The following SMIM10L1 variants were observed in gnomAD, a reference collection of about 807,000 sequenced individuals.
SMIM10L1 encodes small integral membrane protein 10 like 1.
In SMIM10L1, 6 loss-of-function variants were observed where a neutral mutation model predicts 4.5. The observed-to-expected ratio is 1.33, with a 90% CI of 0.73 to 2.62. The LOEUF (loss-of-function observed/expected upper bound fraction) is 2.62. Among genes scored for constraint, SMIM10L1 ranks in the 30% most tolerant of loss-of-function variants. SMIM10L1 has a pLI of 0.00. For missense variants in SMIM10L1, 66 were observed against 86.2 expected (o/e 0.77, Z 0.93); for synonymous variants, 49 against 42.2 (o/e 1.16, Z -0.63).
rs563751385 is a variant in SMIM10L1 at position 11,175,405 on chromosome 12, A to G, written c.*3842A>G. ...TAATGGGAGATCTTTCTGGCAGGACATCAATAGCTTTTGATAGCGTCAAGA... is the reference window on the plus strand; with the variant it reads ...TAATGGGAGATCTTTCTGGCAGGACGTCAATAGCTTTTGATAGCGTCAAGA... On this transcript the variant is annotated 3_prime_UTR_variant, in exon 1 of 1. Coordinates refer to ENST00000622602, the MANE Select transcript of SMIM10L1 (RefSeq NM_001271592.2). 6.6e-6 allele frequency: 1 copy of G among 152,198 alleles called. No homozygotes were observed. The highest frequency in any genetic ancestry group is 1.5e-5 in the Non-Finnish European group (1 of 68,020). 9.4% of individuals were successfully genotyped at this position (152,198 alleles called of 1,614,324 possible). A position where few individuals can be genotyped will look rare whatever the true frequency, so the allele number is the denominator to read the frequency against.
Position 11,171,247 on chromosome 12 carries a change from C to A in SMIM10L1, c.-110C>A. 1 of 690,786 alleles carries A rather than the reference C, an allele frequency of 1.4e-6. No individual in the cohort carries two copies. Among genetic ancestry groups the A allele is most frequent in the Non-Finnish European group, 2.0e-6 (1 of 493,968 alleles). The allele number at this position is 690,786 out of a possible 1,614,324, so 42.8% of individuals were successfully genotyped here. ...GGCAGCGGCAAGCTTGGGTGTGAGC[C>A]CGGGAGCCGCTTTGCTTACCGTCCT... On this transcript the variant is annotated 5_prime_UTR_variant, in exon 1 of 1. Coordinates refer to ENST00000622602, the MANE Select transcript of SMIM10L1 (RefSeq NM_001271592.2).
chr12:11,172,665 G>A lies in SMIM10L1; in HGVS notation c.*1102G>A, dbSNP rs553200060. On this transcript the variant is annotated 3_prime_UTR_variant, in exon 1 of 1. Coordinates refer to ENST00000622602, the MANE Select transcript of SMIM10L1 (RefSeq NM_001271592.2). ...GGTGTATTTGAATACAGCCTAGAGAGCTTTCATTTTCCAAAGAGTGTGGGG... is the reference window on the plus strand; with the variant it reads ...GGTGTATTTGAATACAGCCTAGAGAACTTTCATTTTCCAAAGAGTGTGGGG... The A allele has an allele frequency of 4.6e-5, 7 of 152,282 alleles. No individual in the cohort carries two copies. Among genetic ancestry groups the A allele is most frequent in the African/African-American group, 1.7e-4 (7 of 41,552 alleles). 9.4% of individuals were successfully genotyped at this position (152,282 alleles called of 1,614,324 possible). A position where few individuals can be genotyped will look rare whatever the true frequency, so the allele number is the denominator to read the frequency against.
At position 11,173,931 on chromosome 12, in the gene SMIM10L1, T is replaced by C. The variant is rs1947909732; in HGVS notation, c.*2368T>C. 6.6e-6 allele frequency: 1 copy of C among 151,356 alleles called. No homozygotes were observed. The highest frequency in any genetic ancestry group is 6.6e-5 in the Admixed American group (1 of 15,140). The allele number at this position is 151,356 out of a possible 1,614,324, so 9.4% of individuals were successfully genotyped here. On this transcript the variant is annotated 3_prime_UTR_variant, in exon 1 of 1. Transcript: ENST00000622602. Reference sequence around the variant, plus strand: ...AATTTAAGTAGTAACTATATATGTATATATGTATAGTTACTACTTACTATA... The same window carrying C: ...AATTTAAGTAGTAACTATATATGTACATATGTATAGTTACTACTTACTATA...
At position 11,172,975 on chromosome 12, in the gene SMIM10L1, C is replaced by T. The variant is rs1377249272; in HGVS notation, c.*1412C>T. 2.0e-5 allele frequency: 3 copies of T among 151,880 alleles called. No homozygotes were observed. The highest frequency in any genetic ancestry group is 7.3e-5 in the African/African-American group (3 of 41,346). 9.4% of individuals were successfully genotyped at this position (151,880 alleles called of 1,614,324 possible). On this transcript the variant is annotated 3_prime_UTR_variant, in exon 1 of 1. Coordinates refer to ENST00000622602, the MANE Select transcript of SMIM10L1 (RefSeq NM_001271592.2). ...AGAAAAATGCAGAAAAAGGAGTATACACATGTTTTCTTCGGATTAAAAAAA... is the reference window on the plus strand; with the variant it reads ...AGAAAAATGCAGAAAAAGGAGTATATACATGTTTTCTTCGGATTAAAAAAA...
rs1947918871 is a variant in SMIM10L1, at chr12:11,174,478, C to T, written c.*2915C>T. On this transcript the variant is annotated 3_prime_UTR_variant, in exon 1 of 1. Coordinates refer to ENST00000622602, the MANE Select transcript of SMIM10L1 (RefSeq NM_001271592.2). ...TTATTGCCCATAAATTGGGCTTTTT[C>T]AGGCCATCATGCACGTTGATTGATC... The T allele has an allele frequency of 6.6e-6, 1 of 151,708 alleles. No homozygotes were observed. The highest frequency in any genetic ancestry group is 2.1e-4 in the South Asian group (1 of 4,806). 9.4% of individuals were successfully genotyped at this position (151,708 alleles called of 1,614,324 possible).
chr12:11,174,397 A>G lies in SMIM10L1; in HGVS notation c.*2834A>G, dbSNP rs575657873. 6.6e-6 allele frequency: 1 copy of G among 152,296 alleles called. No individual in the cohort carries two copies. The highest frequency in any genetic ancestry group is 2.1e-4 in the South Asian group (1 of 4,826). 9.4% of individuals were successfully genotyped at this position (152,296 alleles called of 1,614,324 possible). On this transcript the variant is annotated 3_prime_UTR_variant, in exon 1 of 1. Transcript: ENST00000622602. ...GCAATTTTGTTGGTATGCTCTACAT[A>G]GTCAGCAGTCAATAAAGGAAACATA...
rs906822349 is a variant in SMIM10L1 at position 11,172,493 on chromosome 12, C to T, written c.*930C>T. The T allele has an allele frequency of 2.0e-5, 3 of 151,992 alleles. No individual in the cohort carries two copies. Among genetic ancestry groups the T allele is most frequent in the Admixed American group, 6.6e-5 (1 of 15,260 alleles). 9.4% of individuals were successfully genotyped at this position (151,992 alleles called of 1,614,324 possible). A position where few individuals can be genotyped will look rare whatever the true frequency, so the allele number is the denominator to read the frequency against. On this transcript the variant is annotated 3_prime_UTR_variant, in exon 1 of 1. Coordinates refer to ENST00000622602, the MANE Select transcript of SMIM10L1 (RefSeq NM_001271592.2). ...TGAGTGGGGAAAGACATTTTTATTA[C>T]TTACAGGGTAGCCATAAAGTTTCTA...
rs1291385135 is a variant in SMIM10L1, at chr12:11,175,971, C to G, written c.*4408C>G. ...TGTGAATGCCTGGATCTTGGACTTC[C>G]CAGCTTCTAGAACTATAAGAAATAA... On this transcript the variant is annotated 3_prime_UTR_variant, in exon 1 of 1. Transcript: ENST00000622602. 6.6e-6 allele frequency: 1 copy of G among 152,132 alleles called. No homozygotes were observed. Among genetic ancestry groups the G allele is most frequent in the Non-Finnish European group, 1.5e-5 (1 of 68,034 alleles). 9.4% of individuals were successfully genotyped at this position (152,132 alleles called of 1,614,324 possible). A position where few individuals can be genotyped will look rare whatever the true frequency, so the allele number is the denominator to read the frequency against.
Position 11,171,373 on chromosome 12 carries a change from C to G in SMIM10L1, c.17C>G (p.Ala6Gly). The part of the protein sequence containing the change: MAPAA[A>G]PSSLAVRASS... ...ACCTGGCTCATGGCCCCCGCGGCGGCTCCGTCCTCCTTGGCCGTCAGGGCC... is the reference window on the plus strand; with the variant it reads ...ACCTGGCTCATGGCCCCCGCGGCGGGTCCGTCCTCCTTGGCCGTCAGGGCC... The change falls in exon 1 of 1, where the codon GCT (alanine) becomes GGT (glycine). Residue 6 changes from alanine to glycine, a missense_variant. Ala to Gly is a moderately conservative substitution (Grantham distance 60). Transcript: ENST00000622602. 8.1e-7 allele frequency: 1 copy of G among 1,231,968 alleles called. No homozygotes were observed. The highest frequency in any genetic ancestry group is 1.0e-6 in the Non-Finnish European group (1 of 987,856). The allele number at this position is 1,231,968 out of a possible 1,614,324, so 76.3% of individuals were successfully genotyped here.
chr12:11,171,577 C>A lies in SMIM10L1; in HGVS notation c.*14C>A, dbSNP rs2416548. The A allele has an allele frequency of 0.58, 710,416 of 1,230,856 alleles. 209,771 individuals are homozygous for A. Among genetic ancestry groups the A allele is most frequent in the East Asian group, 0.75 (23,763 of 31,654 alleles). The allele number at this position is 1,230,856 out of a possible 1,614,324, so 76.2% of individuals were successfully genotyped here. A position where few individuals can be genotyped will look rare whatever the true frequency, so the allele number is the denominator to read the frequency against. ...GTACATATTTAGAGCCATGACTAAG[C>A]TAACGGCCTCCGGGGCCAGCATGAT... is the stretch of plus-strand genomic sequence containing the variant. On this transcript the variant is annotated 3_prime_UTR_variant, in exon 1 of 1. Transcript: ENST00000622602.
rs1289551167 is a variant in SMIM10L1 at position 11,171,593 on chromosome 12, C to T, written c.*30C>T. 14 of 1,222,838 alleles carry T rather than the reference C, an allele frequency of 1.1e-5. No homozygotes were observed. The highest frequency in any genetic ancestry group is 3.1e-4 in the Middle Eastern group (1 of 3,212). 75.7% of individuals were successfully genotyped at this position (1,222,838 alleles called of 1,614,324 possible). ...ATGACTAAGCTAACGGCCTCCGGGG[C>T]CAGCATGATGGCCGACTCCCAGGGT... On this transcript the variant is annotated 3_prime_UTR_variant, in exon 1 of 1. Transcript: ENST00000622602.
chr12:11,173,207 A>G lies in SMIM10L1; in HGVS notation c.*1644A>G, dbSNP rs892199694. 1 of 152,204 alleles carries G rather than the reference A, an allele frequency of 6.6e-6. No homozygotes were observed. Among genetic ancestry groups the G allele is most frequent in the Non-Finnish European group, 1.5e-5 (1 of 68,040 alleles). 9.4% of individuals were successfully genotyped at this position (152,204 alleles called of 1,614,324 possible). A position where few individuals can be genotyped will look rare whatever the true frequency, so the allele number is the denominator to read the frequency against. On this transcript the variant is annotated 3_prime_UTR_variant, in exon 1 of 1. Transcript: ENST00000622602. The stretch of plus-strand genomic sequence containing the variant: ...TGTTCTATGGCTTTAAGTAGTAAGC[A>G]TCTTGCCCCGTCCAACACCATGTCT...
chr12:11,172,810 ATAG>A lies in SMIM10L1; in HGVS notation c.*1252_*1254del, dbSNP rs1192195116. The A allele has an allele frequency of 4.6e-5, 7 of 152,242 alleles. No homozygotes were observed. The highest frequency in any genetic ancestry group is 7.2e-5 in the African/African-American group (3 of 41,460). The allele number at this position is 152,242 out of a possible 1,614,324, so 9.4% of individuals were successfully genotyped here. On this transcript the variant is annotated 3_prime_UTR_variant, in exon 1 of 1. Coordinates refer to ENST00000622602, the MANE Select transcript of SMIM10L1 (RefSeq NM_001271592.2). ...ACACGGTATACCTCAACTGTGAATA[ATAG>A]TAGTCATGTAAAGTCAGTCATAATT...
rs1947905953 is a variant in SMIM10L1, at chr12:11,173,717, A to C, written c.*2154A>C. The stretch of plus-strand genomic sequence containing the variant: ...GGTGACTATGTGAACATATTCCTAT[A>C]ACTTTTTTCCTCACATCAGTCATTT... On this transcript the variant is annotated 3_prime_UTR_variant, in exon 1 of 1. Coordinates refer to ENST00000622602, the MANE Select transcript of SMIM10L1 (RefSeq NM_001271592.2). The C allele has an allele frequency of 6.6e-6, 1 of 152,078 alleles. No individual in the cohort carries two copies. The highest frequency in any genetic ancestry group is 2.1e-4 in the South Asian group (1 of 4,822). The allele number at this position is 152,078 out of a possible 1,614,324, so 9.4% of individuals were successfully genotyped here. A position where few individuals can be genotyped will look rare whatever the true frequency, so the allele number is the denominator to read the frequency against.
rs1456574854 is a variant in SMIM10L1, at chr12:11,173,992, C to T, written c.*2429C>T. The T allele has an allele frequency of 6.6e-6, 1 of 151,142 alleles. No homozygotes were observed. Among genetic ancestry groups the T allele is most frequent in the Admixed American group, 6.6e-5 (1 of 15,148 alleles). 9.4% of individuals were successfully genotyped at this position (151,142 alleles called of 1,614,324 possible). ...GTATATAAGTATATATGTATAGTTA[C>T]TACTTACAATATATGCATAAAGTTA... On this transcript the variant is annotated 3_prime_UTR_variant, in exon 1 of 1. Transcript: ENST00000622602.
Position 11,171,215 on chromosome 12 carries a change from G to C in SMIM10L1, c.-142G>C. ...CCGGGGCTACGCGCCGCACTGCACC[G>C]AGCGGCGGCAGCGGCAAGCTTGGGT... On this transcript the variant is annotated 5_prime_UTR_variant, in exon 1 of 1. Coordinates refer to ENST00000622602, the MANE Select transcript of SMIM10L1 (RefSeq NM_001271592.2). 2.2e-6 allele frequency: 1 copy of C among 462,076 alleles called. No homozygotes were observed. The highest frequency in any genetic ancestry group is 3.5e-6 in the Non-Finnish European group (1 of 285,158). The allele number at this position is 462,076 out of a possible 1,614,324, so 28.6% of individuals were successfully genotyped here.
At position 11,174,775 on chromosome 12, in the gene SMIM10L1, G is replaced by GT. The variant is rs1947924889; in HGVS notation, c.*3217dup. ...CAGCATCATTTTTAAAATATATTGA[G>GT]TTTTTAATACCAGGAACTATGAAAA... On this transcript the variant is annotated 3_prime_UTR_variant, in exon 1 of 1. Coordinates refer to ENST00000622602, the MANE Select transcript of SMIM10L1 (RefSeq NM_001271592.2). The GT allele has an allele frequency of 6.6e-6, 1 of 151,864 alleles. No individual in the cohort carries two copies. The highest frequency in any genetic ancestry group is 2.4e-5 in the African/African-American group (1 of 41,244). 9.4% of individuals were successfully genotyped at this position (151,864 alleles called of 1,614,324 possible). A position where few individuals can be genotyped will look rare whatever the true frequency, so the allele number is the denominator to read the frequency against.
rs1343380458 is a variant in SMIM10L1, at chr12:11,173,920, CTATA to C, written c.*2361_*2364del. On this transcript the variant is annotated 3_prime_UTR_variant, in exon 1 of 1. Transcript: ENST00000622602. ...ACACATATATAAATTTAAGTAGTAA[CTATA>C]TATGTATATATGTATAGTTACTACT... 2 of 150,780 alleles carry C rather than the reference CTATA, an allele frequency of 1.3e-5. No individual in the cohort carries two copies. The highest frequency in any genetic ancestry group is 3.0e-5 in the Non-Finnish European group (2 of 67,738). The allele number at this position is 150,780 out of a possible 1,614,324, so 9.3% of individuals were successfully genotyped here. A position where few individuals can be genotyped will look rare whatever the true frequency, so the allele number is the denominator to read the frequency against.
Position 11,171,628 on chromosome 12 carries a change from C to G in SMIM10L1, c.*65C>G. 8.7e-7 allele frequency: 1 copy of G among 1,145,548 alleles called. No homozygotes were observed. Among genetic ancestry groups the G allele is most frequent in the Non-Finnish European group, 1.1e-6 (1 of 909,312 alleles). 71.0% of individuals were successfully genotyped at this position (1,145,548 alleles called of 1,614,324 possible). A position where few individuals can be genotyped will look rare whatever the true frequency, so the allele number is the denominator to read the frequency against. On this transcript the variant is annotated 3_prime_UTR_variant, in exon 1 of 1. Transcript: ENST00000622602. ...GGCCGACTCCCAGGGTCCGTTGCGG[C>G]GCGGCGGAGCAGCCAATGGCGAGCC...
Sources: gnomAD v4.1 joint callset for allele counts on GRCh38, gnomAD v4.1.1 for gene constraint, MANE v1.5 for transcripts, NCBI Gene and HGNC (gene_info 2026-07-23, HGNC 2026-07-21) for gene names.